The following TNRC6C variants were observed in gnomAD, a reference collection of about 807,000 sequenced individuals.
The protein encoded by TNRC6C is trinucleotide repeat-containing gene 6C protein.
TNRC6C carries 20 observed loss-of-function variants against 153.7 expected under a neutral mutation model. That is an observed-to-expected ratio of 0.13 (90% confidence interval 0.09 to 0.19). The LOEUF is 0.19. Among genes scored for constraint, TNRC6C ranks in the 10% least tolerant of loss-of-function variants. TNRC6C has a pLI of 1.00. For synonymous variants in TNRC6C, 811 were observed against 841.4 expected (o/e 0.96, Z 0.63); for missense variants, 1,987 against 2,172.0 (o/e 0.91, Z 1.69).
chr17:78,061,685 C>T (rs2072772171), intron 3 of TNRC6C, among the ~76,000 whole-genome samples: 1 of 152,166 alleles, frequency 6.6e-6, no homozygotes, highest in East Asian at 1.9e-4. Context: ...GACCCCATCT[C>T]TATTAAATAA....
intron 7 of TNRC6C, among the ~76,000 whole-genome samples, chr17:78,074,561 A>G (rs888465957): frequency 1.3e-5 from 2 of 152,210 alleles, no homozygotes; most frequent in African/African-American, 4.8e-5. Flanking sequence ...CCAAACACAC[A>G]CTAGTCATTA....
At chr17:77,967,079 T>C (rs547910657) in intron 1 of TNRC6C, among the ~76,000 whole-genome samples, 2 of 152,192 alleles carry the variant, frequency 1.3e-5, no homozygotes, top group Non-Finnish European at 1.5e-5. Flanking sequence ...GATAAAAATA[T>C]TTTTTATTTT....
Position 78,072,983 on chromosome 17 carries a change from C to G in TNRC6C, c.2860-54C>G, listed in dbSNP as rs953177677. On this transcript the variant is annotated intron_variant, in intron 6 of 19. Coordinates refer to ENST00000301624, the Ensembl canonical transcript of TNRC6C. ...TTGATAGTGATTAAATTGTTTGTAA[C>G]CTTTCCTTTTGTTAATTAATGTGCA... is the stretch of plus-strand genomic sequence containing the variant. 3 of 1,334,316 alleles carry G rather than the reference C, an allele frequency of 2.2e-6. No individual in the cohort carries two copies. The Admixed American group carries it at 6.3e-5, about 28-fold the overall frequency. The allele number at this position is 1,334,316 out of a possible 1,614,324, so 82.7% of individuals were successfully genotyped here. A position where few individuals can be genotyped will look rare whatever the true frequency, so the allele number is the denominator to read the frequency against.
chr17:77,975,386 G>A (rs1401062940), intron 1 of TNRC6C, among the ~76,000 whole-genome samples: 1 of 152,194 alleles, frequency 6.6e-6, no homozygotes, highest in Admixed American at 6.5e-5. Flanking sequence ...GAGGTTGAGT[G>A]TTGAAATGTG....
At chr17:78,004,452 A>G (rs1567909680), upstream of TNRC6C, among the ~76,000 whole-genome samples, 1 of 152,202 alleles carries the variant, frequency 6.6e-6, no homozygotes, top group Non-Finnish European at 1.5e-5. Flanking sequence ...TAAATGTCTA[A>G]CTTGGAACTG....
chr17:77,991,867 G>C (rs773898302), intron 1 of TNRC6C, among the ~76,000 whole-genome samples: 1 of 152,180 alleles, frequency 6.6e-6, no homozygotes, highest in Non-Finnish European at 1.5e-5. Flanking sequence ...TGGATGCAGC[G>C]TATGCTTGAA....
Position 78,091,564 on chromosome 17 carries a change from GC to G in TNRC6C, c.3930del (p.Ser1311ValfsTer20). On this transcript the variant is annotated frameshift_variant, in exon 14 of 20. Coordinates refer to ENST00000301624, the Ensembl canonical transcript of TNRC6C. LOFTEE classifies it high-confidence loss of function. ...CGCACCCCAACTCCATGGATAACTTGCCCAGTGCCGCTTCCCCCCTGGAGCA... is the reference window on the plus strand; with the variant it reads ...CGCACCCCAACTCCATGGATAACTTGCCAGTGCCGCTTCCCCCCTGGAGCA... The G allele has an allele frequency of 6.3e-7, 1 of 1,592,958 alleles. No individual in the cohort carries two copies. The highest frequency in any genetic ancestry group is 2.3e-5 in the East Asian group (1 of 43,108).
chr17:77,995,639 T>C (rs188211872), intron 1 of TNRC6C, among the ~76,000 whole-genome samples: 13 of 152,234 alleles, frequency 8.5e-5, no homozygotes, highest in African/African-American at 2.6e-4. Flanking sequence ...CTGTAACACA[T>C]AGGCCAGGAT....
At position 78,075,075 on chromosome 17, in the gene TNRC6C, A is replaced by C. The variant is rs1315010135; in HGVS notation, c.2918-61A>C. 6.3e-7 allele frequency: 1 copy of C among 1,582,722 alleles called. No homozygotes were observed. Among genetic ancestry groups the C allele is most frequent in the Admixed American group, 1.8e-5 (1 of 55,796 alleles). On this transcript the variant is annotated intron_variant, in intron 7 of 19. Transcript: ENST00000301624. This position sits in a 1 kb window ranked among gnomAD's most constrained non-coding sequence, Gnocchi z 4.2. Reference sequence around the variant, plus strand: ...CTCCTTGAGGCCTTAGCTGGTGCCTATCTTGTGCTCAGCACTCACTTGTTT... The same window carrying C: ...CTCCTTGAGGCCTTAGCTGGTGCCTCTCTTGTGCTCAGCACTCACTTGTTT...
upstream of TNRC6C, among the ~76,000 whole-genome samples, chr17:77,958,715 A>G (rs1483756459): frequency 6.6e-6 from 1 of 151,660 alleles, no homozygotes; most frequent in Admixed American, 6.6e-5. Flanking sequence ...TTAGAGCAAC[A>G]AGATGGCCGC....
intron 1 of TNRC6C, among the ~76,000 whole-genome samples, chr17:77,978,776 A>G (rs2071035614): frequency 6.6e-6 from 1 of 152,134 alleles, no homozygotes; most frequent in Non-Finnish European, 1.5e-5. Context: ...CTTACCCCCT[A>G]AAAACCCCAA....
intron 1 of TNRC6C, among the ~76,000 whole-genome samples, chr17:77,971,102 A>T (rs1370346442): frequency 6.6e-6 from 1 of 152,244 alleles, no homozygotes; most frequent in African/African-American, 2.4e-5. Context: ...TAGTAAAGAT[A>T]TATGAAATAA....
chr17:78,092,010 C>A (rs2073403116), intron 14 of TNRC6C, among the ~76,000 whole-genome samples: 1 of 152,164 alleles, frequency 6.6e-6, no homozygotes, highest in Non-Finnish European at 1.5e-5. Context: ...GGGTGCATTT[C>A]TGTTGGTTAT....
At chr17:77,982,150 A>G (rs989745787) in intron 1 of TNRC6C, among the ~76,000 whole-genome samples, 1 of 152,166 alleles carries the variant, frequency 6.6e-6, no homozygotes, top group African/African-American at 2.4e-5. Flanking sequence ...CTTGACCATG[A>G]TGGAACCCTG....
chr17:78,089,462 T>C (rs2073356753), intron 13 of TNRC6C, among the ~76,000 whole-genome samples: 1 of 152,220 alleles, frequency 6.6e-6, no homozygotes. Context: ...TTGTTGGCTC[T>C]CAGCATTTCT....
intron 1 of TNRC6C, among the ~76,000 whole-genome samples, chr17:77,992,065 A>G (rs759889533): frequency 2.0e-5 from 3 of 152,238 alleles, no homozygotes; most frequent in African/African-American, 4.8e-5. Context: ...TTCCGAGCCC[A>G]GTGCTGAGTA....
At chr17:77,985,668 T>G (rs2071156092) in intron 1 of TNRC6C, among the ~76,000 whole-genome samples, 1 of 151,924 alleles carries the variant, frequency 6.6e-6, no homozygotes, top group Admixed American at 6.5e-5. Flanking sequence ...ACGTCCTCTG[T>G]CTCTGACCTC....
exon 3 of TNRC6C, chr17:78,050,375 A>G (rs779715452): frequency 1.2e-6 from 2 of 1,613,558 alleles, no homozygotes; most frequent in Non-Finnish European, 1.7e-6. Flanking sequence ...CCAAGGAATG[A>G]TCTTGACCCA....
chr17:77,966,568 G>T (rs758390180), intron 1 of TNRC6C, among the ~76,000 whole-genome samples: 1 of 152,182 alleles, frequency 6.6e-6, no homozygotes, highest in Non-Finnish European at 1.5e-5. Flanking sequence ...CTAATATTAA[G>T]ATATTTGGTT....
Sources: gnomAD v4.1 joint callset for allele counts (sites outside exome capture counted in the v4.1 genomes callset) on GRCh38, gnomAD v4.1.1 for gene constraint, Gnocchi (gnomAD v3.1) non-coding constraint, MANE v1.5 for transcripts, NCBI Gene and HGNC (gene_info 2026-07-23, HGNC 2026-07-21) for gene names.